MYO5B: variants seen among roughly 807,000 people sequenced by gnomAD.
The protein encoded by MYO5B is unconventional myosin-Vb.
Under a neutral mutation model 229.3 loss-of-function variants are expected in MYO5B, and 143 were observed. The ratio of observed to expected loss-of-function variants is 0.62; its 90% confidence interval spans 0.54 to 0.72. The LOEUF is 0.72. Ranked by LOEUF, MYO5B falls within the 30% of genes least tolerant of loss-of-function variation. The probability of loss-of-function intolerance (pLI) is 0.00; values close to 1 mark genes in which losing one functional copy is unlikely to be tolerated. For synonymous variants in MYO5B, 918 were observed against 885.2 expected, an observed-to-expected ratio of 1.04 and a Z score of -0.66; for missense variants, 2,321 against 2,331.0, an observed-to-expected ratio of 1.00 and a Z score of 0.09.
At chr18:49,885,896 A>G (rs1418831357) in intron 22 of MYO5B, among the ~76,000 whole-genome samples, 1 of 152,170 alleles carries the variant, frequency 6.6e-6, no homozygotes, top group Non-Finnish European at 1.5e-5. Context: ...TAGGATACAC[A>G]ATACAATACT....
At chr18:50,013,121 A>T (rs2026180442) in intron 4 of MYO5B, among the ~76,000 whole-genome samples, 1 of 152,244 alleles carries the variant, frequency 6.6e-6, no homozygotes, top group Admixed American at 6.5e-5. Context: ...GTTGCTAAAC[A>T]CATCTGAGTC....
Position 49,904,788 on chromosome 18 carries a change from G to T in MYO5B, c.2455C>A (p.Leu819Ile). 6.2e-7 allele frequency: 1 copy of T among 1,613,958 alleles called. No homozygotes were observed. Among genetic ancestry groups the T allele is most frequent in the Non-Finnish European group, 8.5e-7 (1 of 1,180,026 alleles). ...HLRRIRAAVV[L>I]QKHYRMQRAR... ...CTCTGCATGCGGTAATGTTTCTGGA[G>T]CACCACAGCCGCTCTGATCCTCCGC... Residue 819 changes from leucine (L) to isoleucine (I), a missense_variant, in exon 20 of 40, where the codon CTC becomes ATC. Around this residue, in one of 2 missense-constraint regions of MYO5B, gnomAD observed 2,113 missense variants for 2,044.7 expected, o/e 1.03. Coordinates refer to ENST00000285039, the MANE Select transcript of MYO5B (RefSeq NM_001080467.3).
At position 49,992,386 on chromosome 18, in the gene MYO5B, A is replaced by T; in HGVS notation, c.658T>A (p.Phe220Ile). Residue 220 changes from phenylalanine (F) to isoleucine (I), a missense_variant, in exon 6 of 40, where the codon TTT becomes ATT. By Grantham distance (21) the Phe-to-Ile change is conservative (BLOSUM62 0). Coordinates refer to ENST00000285039, the MANE Select transcript of MYO5B (RefSeq NM_001080467.3). ...KTTRNDNSSR[F>I]GKYIQIGFDK... ...AAGCCAATCTGGATGTACTTGCCAA[A>T]ACGGCTGCTGTTGTCATTGCGGGTG... is the stretch of plus-strand genomic sequence containing the variant. 1 of 1,614,130 alleles carries T rather than the reference A, an allele frequency of 6.2e-7. No homozygotes were observed. The highest frequency in any genetic ancestry group is 1.3e-5 in the African/African-American group (1 of 75,004).
At chr18:50,037,666 G>A (rs1317669844) in intron 3 of MYO5B, among the ~76,000 whole-genome samples, 1 of 152,212 alleles carries the variant, frequency 6.6e-6, no homozygotes, top group Non-Finnish European at 1.5e-5. Flanking sequence ...TTGGGATGCT[G>A]AGGCAGGAGA....
chr18:50,086,547 T>C (rs1271039430), intron 1 of MYO5B, among the ~76,000 whole-genome samples: 1 of 152,230 alleles, frequency 6.6e-6, no homozygotes, highest in Non-Finnish European at 1.5e-5. Flanking sequence ...ACAAGTGTTC[T>C]TTACTCACTG....
At chr18:49,921,276 TTTA>T (rs1233363850) in intron 17 of MYO5B, among the ~76,000 whole-genome samples, 6 of 150,434 alleles carry the variant, frequency 4.0e-5, no homozygotes, top group Middle Eastern at 3.4e-3. Context: ...TTTTTTTTTT[TTTA>T]TAATATCAAC....
chr18:49,917,546 C>T lies in MYO5B; in HGVS notation c.2091-5373G>A, dbSNP rs183705043. ...CTCGACTTCCATCACCTCCACAGCA[C>T]GACCCCCATCCTCATTAGATGGCCA... On this transcript the variant is annotated intron_variant, in intron 17 of 39. Transcript: ENST00000285039. 6.6e-5 allele frequency among the ~76,000 whole-genome samples: 10 copies of T among 152,324 alleles called. No homozygotes were observed. In the East Asian group the frequency reaches 1.2e-3, roughly 18 times the overall value.
intron 1 of MYO5B, among the ~76,000 whole-genome samples, chr18:50,060,910 T>C (rs959748625): frequency 2.0e-5 from 3 of 152,222 alleles, no homozygotes; most frequent in African/African-American, 7.2e-5. Flanking sequence ...GAATTCAATA[T>C]GCAAGCAAGT....
rs561830813 is a variant in MYO5B, at chr18:50,116,488, TTCCC to T, written c.28-61114_28-61111del. 3.4e-3 allele frequency among the ~76,000 whole-genome samples: 519 copies of T among 152,252 alleles called. 5 individuals carry two copies. The highest frequency in any genetic ancestry group is 0.012 in the African/African-American group (502 of 41,548). On this transcript the variant is annotated intron_variant, in intron 1 of 39. Coordinates refer to ENST00000285039, the MANE Select transcript of MYO5B (RefSeq NM_001080467.3). ...ACTTTGCCTACCCAAACTGGAATCA[TTCCC>T]CTCTGTAGCAAGAGACAGCTTCAGA...
chr18:50,181,551 G>A (rs1011717931), intron 1 of MYO5B, among the ~76,000 whole-genome samples: 1 of 152,212 alleles, frequency 6.6e-6, no homozygotes. Context: ...CAAAGATATT[G>A]TCACCATAGG....
chr18:49,861,962 G>C (rs1418761792), intron 29 of MYO5B, among the ~76,000 whole-genome samples: 2 of 151,144 alleles, frequency 1.3e-5, no homozygotes, highest in African/African-American at 4.9e-5. Context: ...TGAGGTAAGA[G>C]AGAAAGGTAG....
intron 4 of MYO5B, among the ~76,000 whole-genome samples, chr18:50,003,051 C>A (rs1051527005): frequency 6.6e-6 from 1 of 152,036 alleles, no homozygotes; most frequent in Non-Finnish European, 1.5e-5. Context: ...GGGAATGGTC[C>A]AATTAGAGAC....
At chr18:49,959,649 T>C (rs2025534967) in intron 12 of MYO5B, among the ~76,000 whole-genome samples, 1 of 152,328 alleles carries the variant, frequency 6.6e-6, no homozygotes, top group South Asian at 2.1e-4. Flanking sequence ...TGCCGTTGAT[T>C]GCTCCAACAC....
At chr18:50,063,686 A>G (rs2030746893) in intron 1 of MYO5B, 1 of 152,218 alleles carries the variant, frequency 6.6e-6, no homozygotes, top group Non-Finnish European at 1.5e-5. Context: ...ACAAAAGTCA[A>G]TTATAACCAA....
intron 10 of MYO5B, among the ~76,000 whole-genome samples, chr18:49,965,438 TACAA>T (rs1020663776): frequency 2.7e-4 from 37 of 137,280 alleles, no homozygotes; most frequent in African/African-American, 1.0e-3. Flanking sequence ...CTTCTTTTCA[TACAA>T]ACACACTTCT....
chr18:49,960,609 T>G (rs2144257631), intron 12 of MYO5B, among the ~76,000 whole-genome samples: 1 of 152,384 alleles, frequency 6.6e-6, no homozygotes, highest in Middle Eastern at 3.4e-3. Flanking sequence ...CAGACTATGC[T>G]AAATCATCCT....
At chr18:50,131,853 G>T (rs2032258778) in intron 1 of MYO5B, among the ~76,000 whole-genome samples, 1 of 152,140 alleles carries the variant, frequency 6.6e-6, no homozygotes. Context: ...CACACACTCT[G>T]CATGAACTAT....
chr18:50,088,659 T>C (rs1568101938), intron 1 of MYO5B, among the ~76,000 whole-genome samples: 2 of 152,238 alleles, frequency 1.3e-5, no homozygotes, highest in Non-Finnish European at 2.9e-5. Flanking sequence ...TTTTCACTAA[T>C]TGTCTAGATT....
chr18:49,936,514 T>G (rs1452962395), intron 15 of MYO5B, among the ~76,000 whole-genome samples, 165 bp from the exon 16 acceptor site: 1 of 152,212 alleles, frequency 6.6e-6, no homozygotes, highest in Non-Finnish European at 1.5e-5. Context: ...GCTCTGACAC[T>G]GCTATCTTGC....
Sources: allele counts gnomAD v4.1 joint callset (sites outside exome capture counted in the v4.1 genomes callset), GRCh38; gene constraint gnomAD v4.1.1; regional missense constraint gnomAD v4.1.1; transcripts MANE v1.5; gene names NCBI Gene and HGNC (gene_info 2026-07-23, HGNC 2026-07-21).